The following DSCAM variants were observed in gnomAD, a reference collection of about 807,000 sequenced individuals.
The protein encoded by DSCAM is cell adhesion molecule DSCAM.
Under a neutral mutation model 217.7 loss-of-function variants are expected in DSCAM, and 47 were observed. The observed-to-expected ratio is 0.22, with a 90% confidence interval of 0.17 to 0.28. The LOEUF (loss-of-function observed/expected upper bound fraction) is 0.28, where lower values mean the gene tolerates loss of function less well. Among genes scored for constraint, DSCAM ranks in the 10% least tolerant of loss-of-function variants. The probability of loss-of-function intolerance (pLI) is 1.00; values close to 1 mark genes in which losing one functional copy is unlikely to be tolerated. For synonymous variants in DSCAM, 1,056 were observed against 1,015.3 expected, an observed-to-expected ratio of 1.04 and a Z score of -0.76; for missense variants, 2,080 against 2,618.3, an observed-to-expected ratio of 0.79 and a Z score of 4.49.
intron 1 of DSCAM, among the ~76,000 whole-genome samples, chr21:40,746,610 A>G (rs2091177400): frequency 6.6e-6 from 1 of 151,926 alleles, no homozygotes. Flanking sequence ...TGACTATAAT[A>G]CAATAAGAGT....
At chr21:40,498,332 G>A (rs533975398) in intron 3 of DSCAM, among the ~76,000 whole-genome samples, 3 of 151,926 alleles carry the variant, frequency 2.0e-5, no homozygotes, top group South Asian at 4.2e-4. Flanking sequence ...ATGGGAATAC[G>A]CCACACCTGC....
At chr21:40,721,571 C>T (rs2090901426) in intron 1 of DSCAM, among the ~76,000 whole-genome samples, 2 of 152,058 alleles carry the variant, frequency 1.3e-5, no homozygotes, top group South Asian at 4.1e-4. Context: ...AGATTACACC[C>T]TTCAGAAGAA....
chr21:40,539,615 A>C (rs1463075576), intron 3 of DSCAM, among the ~76,000 whole-genome samples: 2 of 152,246 alleles, frequency 1.3e-5, no homozygotes, highest in Non-Finnish European at 2.9e-5. Context: ...GAATCAGTGA[A>C]ATGAAATACA....
At position 40,304,049 on chromosome 21, in the gene DSCAM, C is replaced by T. The variant is rs149884755; in HGVS notation, c.2063-7875G>A. Among the ~76,000 whole-genome samples, 814 of 152,286 alleles carry T rather than the reference C, an allele frequency of 5.3e-3. 12 individuals are homozygous for T. Among genetic ancestry groups the T allele is most frequent in the African/African-American group, 0.019 (774 of 41,560 alleles). On this transcript the variant is annotated intron_variant, in intron 9 of 32. Transcript: ENST00000400454. ...TACCTTAATCAATGCCAAGGTCACT[C>T]CACTGAGCAGGATATCAGGGAAACC... is the stretch of plus-strand genomic sequence containing the variant.
At chr21:40,663,137 G>T (rs2090158387) in intron 3 of DSCAM, among the ~76,000 whole-genome samples, 1 of 49,758 alleles carries the variant, frequency 2.0e-5, no homozygotes, top group Non-Finnish European at 7.1e-5. Context: ...TGTGGTGTGT[G>T]CATGTATGCA....
chr21:40,842,462 T>C (rs997446944), intron 1 of DSCAM, among the ~76,000 whole-genome samples: 1 of 152,262 alleles, frequency 6.6e-6, no homozygotes, highest in African/African-American at 2.4e-5. Context: ...CAGCTAATTT[T>C]ACGAAACCTG....
chr21:40,643,650 A>G (rs2089909595), intron 3 of DSCAM, among the ~76,000 whole-genome samples: 1 of 152,206 alleles, frequency 6.6e-6, no homozygotes, highest in South Asian at 2.1e-4. Context: ...CCTCAGTCCC[A>G]GTAGAATCAG....
At chr21:40,715,204 G>C (rs555436465) in intron 1 of DSCAM, among the ~76,000 whole-genome samples, 1 of 152,346 alleles carries the variant, frequency 6.6e-6, no homozygotes, top group African/African-American at 2.4e-5. Flanking sequence ...CACTCATACA[G>C]AATAGGTGAA....
intron 11 of DSCAM, among the ~76,000 whole-genome samples, chr21:40,223,387 C>A (rs997266225): frequency 1.3e-5 from 2 of 152,220 alleles, no homozygotes; most frequent in Non-Finnish European, 2.9e-5. Context: ...CTGCTACTAT[C>A]CTAAGGGAAA....
At chr21:40,454,350 T>A (rs2075746284) in intron 3 of DSCAM, among the ~76,000 whole-genome samples, 1 of 152,198 alleles carries the variant, frequency 6.6e-6, no homozygotes, top group African/African-American at 2.4e-5. Context: ...AAGATTACAA[T>A]GCCCAAATTG....
chr21:40,500,653 C>A (rs2076163663), intron 3 of DSCAM, among the ~76,000 whole-genome samples: 1 of 152,228 alleles, frequency 6.6e-6, no homozygotes, highest in Non-Finnish European at 1.5e-5. Context: ...GGGCAATTTA[C>A]AAAGCCAGTG....
intron 10 of DSCAM, 30 bp downstream of exon 10, chr21:40,296,025 A>C: frequency 6.2e-7 from 1 of 1,600,388 alleles, no homozygotes; most frequent in Non-Finnish European, 8.5e-7. Context: ...AATGTTTGAC[A>C]GGTAACAAGT....
chr21:40,672,978 T>A (rs2090295492), intron 3 of DSCAM, among the ~76,000 whole-genome samples: 1 of 152,156 alleles, frequency 6.6e-6, no homozygotes, highest in South Asian at 2.1e-4. Flanking sequence ...AGCAGTCACA[T>A]CAATCCCCAG....
chr21:40,305,280 C>T (rs2074060051), intron 9 of DSCAM, among the ~76,000 whole-genome samples: 1 of 151,362 alleles, frequency 6.6e-6, no homozygotes, highest in African/African-American at 2.4e-5. Flanking sequence ...ATCCAAGCTA[C>T]TCAGGAAGCT....
chr21:40,728,685 G>C (rs1157641227), intron 1 of DSCAM, among the ~76,000 whole-genome samples: 2 of 152,158 alleles, frequency 1.3e-5, no homozygotes, highest in Non-Finnish European at 2.9e-5. Context: ...CTCCCAAAGT[G>C]CTGGGATTAC....
At chr21:40,730,639 C>T (rs2091002349) in intron 1 of DSCAM, among the ~76,000 whole-genome samples, 1 of 152,088 alleles carries the variant, frequency 6.6e-6, no homozygotes, top group South Asian at 2.1e-4. Context: ...GCCCATGATG[C>T]TGTCTCTATA....
At chr21:40,043,159 G>A (rs1204095555) in intron 31 of DSCAM, among the ~76,000 whole-genome samples, 2 of 152,200 alleles carry the variant, frequency 1.3e-5, no homozygotes, top group African/African-American at 4.8e-5. Context: ...TTGGCCACAA[G>A]CCAGAATGGC....
chr21:40,767,856 A>G (rs1035502070), intron 1 of DSCAM, among the ~76,000 whole-genome samples: 6 of 150,998 alleles, frequency 4.0e-5, no homozygotes, highest in Admixed American at 4.0e-4. Flanking sequence ...GTCAGTTATG[A>G]TCATTGATAC....
intron 30 of DSCAM, among the ~76,000 whole-genome samples, chr21:40,047,557 T>A (rs958775209): frequency 6.6e-6 from 1 of 152,172 alleles, no homozygotes; most frequent in Non-Finnish European, 1.5e-5. Context: ...TTATCCTGAG[T>A]TTGGGATGAG....
Sources: allele counts gnomAD v4.1 joint callset (sites outside exome capture counted in the v4.1 genomes callset), GRCh38; gene constraint gnomAD v4.1.1; transcripts MANE v1.5; gene names NCBI Gene and HGNC (gene_info 2026-07-23, HGNC 2026-07-21).